Variants in LY9 observed in about 807,000 individuals in gnomAD.
LY9 encodes T-lymphocyte surface antigen Ly-9.
Under a neutral mutation model 64.6 loss-of-function variants are expected in LY9, and 59 were observed. The ratio of observed to expected loss-of-function variants is 0.91; its 90% CI spans 0.74 to 1.13. LY9 has a LOEUF of 1.13. LY9 is among the 50% of genes most tolerant of loss of function. The pLI, the probability that LY9 is intolerant of heterozygous loss-of-function variation, is 0.00. For synonymous variants in LY9, 281 were observed against 308.5 expected, an observed-to-expected ratio of 0.91 and a Z score of 0.93; for missense variants, 789 against 797.2, an observed-to-expected ratio of 0.99 and a Z score of 0.12.
Position 160,814,562 on chromosome 1 carries a change from A to C in LY9, c.873A>C (p.Lys291Asn), listed in dbSNP as rs763172154. Residue 291 changes from lysine to asparagine, a missense_variant, in exon 4 of 10, where the codon AAA becomes AAC. By Grantham distance (94) the Lys-to-Asn change is moderately conservative. Coordinates refer to ENST00000263285, the MANE Select transcript of LY9 (RefSeq NM_002348.4). ...TGTTTAACACATCCATCATTAGCAA[A>C]GAGAGGGAAGAAGCAGCAACGGCAG... ...VWLFNTSIIS[K>N]EREEAATADP... The C allele has an allele frequency of 1.2e-6, 2 of 1,614,032 alleles. No individual in the cohort carries two copies. Among genetic ancestry groups the C allele is most frequent in the African/African-American group, 2.7e-5 (2 of 74,908 alleles).
chr1:160,799,380 C>G, intron 1 of LY9: 1 of 174,946 alleles, frequency 5.7e-6, no homozygotes, highest in Non-Finnish European at 1.2e-5. Flanking sequence ...TTTGCAGCAA[C>G]CTGCTTTCAT....
chr1:160,796,458 T>A, intron 1 of LY9, 147 bp downstream of exon 1: 1 of 1,002,026 alleles, frequency 1.0e-6, no homozygotes, highest in Non-Finnish European at 1.5e-6. Flanking sequence ...AGTGGCGCAA[T>A]CTCGGCTCAC....
chr1:160,800,256 TCTG>T lies in LY9; in HGVS notation c.454+177_454+179del, dbSNP rs369123333. On this transcript the variant is annotated intron_variant, in intron 2 of 9. Transcript: ENST00000263285. ...TTCCTGTTAAGTATAGTCACCCTAC[TCTG>T]CTATCAAAAATTGAATTGATTTTCT... is the stretch of plus-strand genomic sequence containing the variant. The T allele has an allele frequency of 1.6e-3, 970 of 589,360 alleles. 5 individuals are homozygous for T. The highest frequency in any genetic ancestry group is 0.016 in the African/African-American group (871 of 53,718). 36.5% of individuals were successfully genotyped at this position (589,360 alleles called of 1,614,324 possible). A position where few individuals can be genotyped will look rare whatever the true frequency, so the allele number is the denominator to read the frequency against.
At chr1:160,799,610 T>A (rs1666247034) in intron 1 of LY9, 143 bp from the exon 2 acceptor site, 3 of 616,552 alleles carry the variant, frequency 4.9e-6, no homozygotes, top group Non-Finnish European at 8.6e-6. Context: ...GCTAGGCAAT[T>A]GACCTAGAAG....
intron 8 of LY9, 136 bp from the exon 9 acceptor site, chr1:160,824,045 C>T: frequency 9.5e-7 from 1 of 1,053,978 alleles, no homozygotes; most frequent in East Asian, 2.4e-5. Flanking sequence ...GGCACCGTCC[C>T]CACTGCACTA....
intron 2 of LY9, chr1:160,811,294 CCTGT>C (rs1259381645): frequency 2.6e-5 from 4 of 152,254 alleles, no homozygotes; most frequent in Non-Finnish European, 5.9e-5. Flanking sequence ...CTTCATTTGT[CCTGT>C]CTCTGTCCCT....
rs762865795 is a variant in LY9 at position 160,819,388 on chromosome 1, T to C, written c.1498+14T>C. 3 of 1,609,834 alleles carry C rather than the reference T, an allele frequency of 1.9e-6. No individual in the cohort carries two copies. The highest frequency in any genetic ancestry group is 2.6e-6 in the Non-Finnish European group (3 of 1,176,362). On this transcript the variant is annotated intron_variant, in intron 7 of 9. Coordinates refer to ENST00000263285, the MANE Select transcript of LY9 (RefSeq NM_002348.4). ...CGGATACACCAGGTAACATCACCCA[T>C]GACACAGGCTATGGGGTATCTGGTC...
chr1:160,807,776 G>A (rs940347430), intron 2 of LY9, among the ~76,000 whole-genome samples: 2 of 152,156 alleles, frequency 1.3e-5, no homozygotes, highest in East Asian at 1.9e-4. Context: ...CCCACCCTAG[G>A]CCCCTGTGGA....
chr1:160,808,071 A>T (rs1667151810), intron 2 of LY9, among the ~76,000 whole-genome samples: 1 of 152,088 alleles, frequency 6.6e-6, no homozygotes, highest in Admixed American at 6.5e-5. Flanking sequence ...CAGATGGGGA[A>T]TATGCATCCC....
At chr1:160,807,652 C>T (rs1667104379) in intron 2 of LY9, among the ~76,000 whole-genome samples, 1 of 151,920 alleles carries the variant, frequency 6.6e-6, no homozygotes, top group Non-Finnish European at 1.5e-5. Context: ...GGATGATTCT[C>T]TGGGTCCCAA....
At chr1:160,819,255 A>T in intron 6 of LY9, 66 bp from the exon 7 acceptor site, 1 of 1,229,486 alleles carries the variant, frequency 8.1e-7, no homozygotes, top group Non-Finnish European at 1.2e-6. Context: ...TTTGACTCTC[A>T]CAGAATAAAA....
chr1:160,813,437 G>T (rs1667676820), intron 2 of LY9, 199 bp from the exon 3 acceptor site: 1 of 598,128 alleles, frequency 1.7e-6, no homozygotes, highest in South Asian at 2.0e-5. Flanking sequence ...CTGAGTCATG[G>T]TGATAACACC....
intron 1 of LY9, 152 bp from the exon 2 acceptor site, chr1:160,799,601 C>A: frequency 1.7e-6 from 1 of 604,946 alleles, no homozygotes; most frequent in Non-Finnish European, 2.9e-6. Context: ...AATGACTGTG[C>A]TAGGCAATTG....
At position 160,797,717 on chromosome 1, in the gene LY9, G is replaced by T. The variant is rs78369841; in HGVS notation, c.124+1406G>T. Among the ~76,000 whole-genome samples, 3 of 152,136 alleles carry T rather than the reference G, an allele frequency of 2.0e-5. 1 individual carries two copies. The highest frequency in any genetic ancestry group is 7.2e-5 in the African/African-American group (3 of 41,422). On this transcript the variant is annotated intron_variant, in intron 1 of 9. Transcript: ENST00000263285. ...AACTTAAAAGGCAGTCGAGTGAAAA[G>T]ACCCCTCTCACTTTAGTATCAGGAA...
At chr1:160,812,527 CAT>C (rs143592834) in intron 2 of LY9, 29 of 152,298 alleles carry the variant, frequency 1.9e-4, no homozygotes, top group Non-Finnish European at 2.4e-4. Flanking sequence ...ATCAACTCCA[CAT>C]GTGTTGACAA....
chr1:160,824,281 G>A (rs762130215), intron 9 of LY9, 32 bp downstream of exon 9: 32 of 1,613,360 alleles, frequency 2.0e-5, no homozygotes, highest in Middle Eastern at 1.6e-4. Context: ...GTATCCCAAG[G>A]CCCACAGAGT....
At chr1:160,806,765 G>C (rs6691072) in intron 2 of LY9, among the ~76,000 whole-genome samples, 96,436 of 152,064 alleles carry the variant, frequency 0.63, 31,306 homozygotes, top group Middle Eastern at 0.71. Flanking sequence ...ATGTCTAAGA[G>C]TCTTGCTAGA....
At chr1:160,802,120 G>T (rs367622027) in intron 2 of LY9, 5 of 1,376,882 alleles carry the variant, frequency 3.6e-6, no homozygotes, top group Non-Finnish European at 4.7e-6. Context: ...CGCCAACTTG[G>T]AGACTCCTGG....
At chr1:160,804,365 C>G (rs1327376270) in intron 2 of LY9, among the ~76,000 whole-genome samples, 1 of 152,130 alleles carries the variant, frequency 6.6e-6, no homozygotes, top group Non-Finnish European at 1.5e-5. Flanking sequence ...TTTTATCCTT[C>G]AGTCTATTGA....
Sources: allele counts gnomAD v4.1 joint callset (sites outside exome capture counted in the v4.1 genomes callset), GRCh38; gene constraint gnomAD v4.1.1; transcripts MANE v1.5; gene names NCBI Gene and HGNC (gene_info 2026-07-23, HGNC 2026-07-21).